The following CSMD2 variants were observed in gnomAD, a reference collection of about 807,000 sequenced individuals.
The protein encoded by CSMD2 is CUB and Sushi multiple domains 2, also known as CUB and sushi domain-containing protein 2.
Under a neutral mutation model 398.5 loss-of-function variants are expected in CSMD2, and 130 were observed. The observed-to-expected ratio is 0.33, with a 90% confidence interval of 0.28 to 0.38. CSMD2 has a LOEUF of 0.38. CSMD2 is among the 10% of genes least tolerant of loss of function. The probability of loss-of-function intolerance (pLI) is 1.00; values close to 1 mark genes in which losing one functional copy is unlikely to be tolerated. For missense variants in CSMD2, 3,829 were observed against 4,764.9 expected, an observed-to-expected ratio of 0.80 and a Z score of 5.78; for synonymous variants, 1,828 against 1,908.5, an observed-to-expected ratio of 0.96 and a Z score of 1.10.
At chr1:33,547,620 T>C (rs998769612) in intron 56 of CSMD2, among the ~76,000 whole-genome samples, 2 of 152,236 alleles carry the variant, frequency 1.3e-5, no homozygotes, top group Non-Finnish European at 2.9e-5. Context: ...CCTAACCACA[T>C]GTTCTCCATT....
At chr1:33,785,217 C>A (rs1237424265) in intron 12 of CSMD2, among the ~76,000 whole-genome samples, 1 of 152,204 alleles carries the variant, frequency 6.6e-6, no homozygotes, top group East Asian at 1.9e-4. Context: ...AAAGCTTAGC[C>A]AATACTGGCT....
chr1:33,658,566 T>C (rs940682378), intron 26 of CSMD2, among the ~76,000 whole-genome samples: 3 of 152,148 alleles, frequency 2.0e-5, no homozygotes, highest in African/African-American at 7.2e-5. Flanking sequence ...GATAATTAAG[T>C]CTAAACTCCA....
At chr1:34,108,949 G>C (rs1364271200) in intron 1 of CSMD2, among the ~76,000 whole-genome samples, 1 of 152,134 alleles carries the variant, frequency 6.6e-6, no homozygotes, top group African/African-American at 2.4e-5. Context: ...ATGAGGGGTG[G>C]TAAGACTTGA....
intron 5 of CSMD2, among the ~76,000 whole-genome samples, chr1:33,902,110 G>A (rs1296586358): frequency 3.3e-5 from 5 of 152,198 alleles, no homozygotes; most frequent in African/African-American, 1.2e-4. Flanking sequence ...CTTCCAAAGA[G>A]CATTCAAGCA....
chr1:33,575,223 G>C (rs1284200097), intron 49 of CSMD2, among the ~76,000 whole-genome samples: 2 of 151,898 alleles, frequency 1.3e-5, no homozygotes, highest in African/African-American at 2.4e-5. Context: ...GAGTGGGCTG[G>C]GGAAGGAGAG....
At chr1:34,140,268 C>A (rs1176044098) in intron 1 of CSMD2, among the ~76,000 whole-genome samples, 2 of 144,954 alleles carry the variant, frequency 1.4e-5, no homozygotes, top group African/African-American at 5.0e-5. Flanking sequence ...GAAGATAATA[C>A]TCCAGACAGA....
chr1:33,745,582 C>G (rs1186684229), intron 13 of CSMD2, among the ~76,000 whole-genome samples: 3 of 152,126 alleles, frequency 2.0e-5, no homozygotes, highest in African/African-American at 7.2e-5. Context: ...TGAGTTTAGT[C>G]TTGATTCTCC....
At position 33,605,301 on chromosome 1, in the gene CSMD2, G is replaced by T; in HGVS notation, c.6513C>A (p.His2171Gln). The T allele has an allele frequency of 1.9e-6, 3 of 1,614,178 alleles. No homozygotes were observed. The highest frequency in any genetic ancestry group is 1.7e-4 in the Middle Eastern group (1 of 6,060). The change falls in exon 42 of 71, where the codon CAC becomes CAA. Residue 2171 changes from histidine to glutamine, a missense_variant. By Grantham distance (24) the His-to-Gln change is conservative (BLOSUM62 0). Transcript: ENST00000373381. ...ACATACCTTCACACTTGGGCAGGGG[G>T]TGGTCCCAGTTCCGGTTGGTGCCAT... ...CQHGTNRNWD[H>Q]PLPKCEVPCG...
At chr1:34,135,788 T>TAG (rs1638689700) in intron 1 of CSMD2, among the ~76,000 whole-genome samples, 1 of 152,048 alleles carries the variant, frequency 6.6e-6, no homozygotes, top group African/African-American at 2.4e-5. Context: ...ATGTATATGA[T>TAG]ATATCTACAA....
At chr1:33,779,699 T>C (rs560268404) in intron 12 of CSMD2, among the ~76,000 whole-genome samples, 1 of 152,344 alleles carries the variant, frequency 6.6e-6, no homozygotes, top group African/African-American at 2.4e-5. Flanking sequence ...CCAGGCAGAC[T>C]TAGGAGCTCT....
chr1:33,989,710 T>C (rs1375075908), intron 3 of CSMD2, among the ~76,000 whole-genome samples: 3 of 152,164 alleles, frequency 2.0e-5, no homozygotes, highest in African/African-American at 7.2e-5. Flanking sequence ...ATCACTGTTA[T>C]ACTGAAAAAA....
intron 3 of CSMD2, among the ~76,000 whole-genome samples, chr1:34,023,661 C>A (rs1222163916): frequency 6.6e-6 from 1 of 152,148 alleles, no homozygotes; most frequent in African/African-American, 2.4e-5. Flanking sequence ...ACCCACCATG[C>A]CTTGTTATAT....
intron 28 of CSMD2, among the ~76,000 whole-genome samples, chr1:33,650,884 G>C (rs1391608373): frequency 6.6e-6 from 1 of 152,088 alleles, no homozygotes; most frequent in Non-Finnish European, 1.5e-5. Flanking sequence ...TTCTTCACCA[G>C]GGATTAGTTT....
chr1:33,916,231 T>C (rs1328392935), intron 5 of CSMD2, among the ~76,000 whole-genome samples: 1 of 152,188 alleles, frequency 6.6e-6, no homozygotes, highest in Non-Finnish European at 1.5e-5. Flanking sequence ...ATATTAAATA[T>C]ATATAAATAG....
rs374075108 is a variant in CSMD2, at chr1:33,572,730, A to G, written c.7577-39T>C. ...AACAATGTCATGAGCATTTGTTTTAAGATGGTATTCTGAGAAACTATTTTT... is the reference window on the plus strand; with the variant it reads ...AACAATGTCATGAGCATTTGTTTTAGGATGGTATTCTGAGAAACTATTTTT... On this transcript the variant is annotated intron_variant, in intron 49 of 70. Transcript: ENST00000373381. 4.3e-4 allele frequency: 659 copies of G among 1,518,340 alleles called. 1 individual carries two copies. The highest frequency in any genetic ancestry group is 5.3e-4 in the Non-Finnish European group (595 of 1,118,796). 94.1% of individuals were successfully genotyped at this position (1,518,340 alleles called of 1,614,324 possible).
chr1:33,646,006 TACA>T (rs1643406447), intron 29 of CSMD2, among the ~76,000 whole-genome samples: 1 of 152,242 alleles, frequency 6.6e-6, no homozygotes, highest in Non-Finnish European at 1.5e-5. Context: ...TAGGTAAACC[TACA>T]ATATTTACTA....
In CSMD2 at chr1:33,739,323, T is replaced by G; in HGVS notation, c.2185A>C (p.Asn729His). The G allele has an allele frequency of 1.2e-6, 2 of 1,613,340 alleles. No individual in the cohort carries two copies. Residue 729 changes from asparagine (N) to histidine (H), a missense_variant, in exon 15 of 71, where the codon AAC becomes CAC. Around this residue, in one of 5 missense-constraint regions of CSMD2, gnomAD observed 2,001 missense variants for 2,567.1 expected, o/e 0.78. Coordinates refer to ENST00000373381, the MANE Select transcript of CSMD2 (RefSeq NM_001281956.2). ...GGAACGCCAGGATCCGGGCACTCGTTGTGTCGGAAGGCTGTGTAGATGGAG... is the reference window on the plus strand; with the variant it reads ...GGAACGCCAGGATCCGGGCACTCGTGGTGTCGGAAGGCTGTGTAGATGGAG... Reference protein sequence around the residue: ...FNITFTTFRHNECPDPGVPVN... With the variant: ...FNITFTTFRHHECPDPGVPVN...
rs1655499211 is a variant in CSMD2, at chr1:33,533,905, A to T, written c.9882T>A (p.Val3294=). 6.2e-7 allele frequency: 1 copy of T among 1,605,448 alleles called. No homozygotes were observed. Among genetic ancestry groups the T allele is most frequent in the South Asian group, 1.1e-5 (1 of 90,834 alleles). ...GACAACGGAAGAGGACTGTGCTTCC[A>T]ACCTGCGGCAAGATACAAAGTCCCA... ...GIQNNSQGYQ[V]GSTVLFRCQK... Residue 3294 remains valine, a splice_region_variant and synonymous_variant, in exon 63 of 71, where the codon GTT becomes GTA. Coordinates refer to ENST00000373381, the MANE Select transcript of CSMD2 (RefSeq NM_001281956.2). The surrounding 1 kb of genome is among the most constrained non-coding windows in gnomAD (Gnocchi z 4.2).
chr1:33,539,181 C>T (rs1047365405), intron 60 of CSMD2, among the ~76,000 whole-genome samples: 3 of 152,074 alleles, frequency 2.0e-5, no homozygotes, highest in East Asian at 1.9e-4. Flanking sequence ...TTAGCCAGGA[C>T]GGTCTCAATC....
Sources: gnomAD v4.1 joint callset for allele counts (sites outside exome capture counted in the v4.1 genomes callset) on GRCh38, gnomAD v4.1.1 for gene constraint, gnomAD v4.1.1 regional missense constraint, Gnocchi (gnomAD v3.1) non-coding constraint, MANE v1.5 for transcripts, NCBI Gene and HGNC (gene_info 2026-07-23, HGNC 2026-07-21) for gene names.